Variants in CADM2 observed in about 807,000 individuals in gnomAD.
CADM2 encodes cell adhesion molecule 2, also known as immunoglobulin superfamily member 4D.
Under a neutral mutation model 49.8 loss-of-function variants are expected in CADM2, and 12 were observed. The ratio of observed to expected loss-of-function variants is 0.24; its 90% CI spans 0.15 to 0.39. CADM2 has a LOEUF of 0.39. CADM2 is among the 10% of genes least tolerant of loss of function. The pLI is 1.00. For synonymous variants in CADM2, 214 were observed against 175.4 expected, an observed-to-expected ratio of 1.22 and a Z score of -1.74; for missense variants, 378 against 492.3, an observed-to-expected ratio of 0.77 and a Z score of 2.20.
chr3:85,144,058 C>T (rs1034056840), intron 1 of CADM2, among the ~76,000 whole-genome samples: 2 of 152,066 alleles, frequency 1.3e-5, no homozygotes, highest in East Asian at 1.9e-4. Flanking sequence ...ACTGTTTGTT[C>T]CTTAGATATT....
At chr3:86,013,950 T>C (rs1731869725) in intron 8 of CADM2, 1 of 1,568,062 alleles carries the variant, frequency 6.4e-7, no homozygotes, top group Admixed American at 1.7e-5. Flanking sequence ...GTTGGCAAAA[T>C]CAGTACCTGT....
intron 1 of CADM2, among the ~76,000 whole-genome samples, chr3:85,286,851 A>T (rs2043645412): frequency 6.6e-6 from 1 of 152,120 alleles, no homozygotes; most frequent in Non-Finnish European, 1.5e-5. Flanking sequence ...AATAATCTAT[A>T]ATAAAAGAGA....
chr3:85,137,097 C>T (rs926270969), intron 1 of CADM2, among the ~76,000 whole-genome samples: 1 of 151,798 alleles, frequency 6.6e-6, no homozygotes, highest in Non-Finnish European at 1.5e-5. Context: ...CCCAGGATAT[C>T]TTTGGAATTG....
intron 1 of CADM2, among the ~76,000 whole-genome samples, chr3:85,167,969 GA>G (rs753488119): frequency 1.4e-4 from 21 of 152,138 alleles, no homozygotes; most frequent in East Asian, 9.7e-4. Context: ...CTGCATCCTA[GA>G]GCTTCGGGCC....
At chr3:85,128,906 AC>A (rs778225579) in intron 1 of CADM2, among the ~76,000 whole-genome samples, 91 of 152,330 alleles carry the variant, frequency 6.0e-4, no homozygotes, top group Non-Finnish European at 1.0e-3. Context: ...CCTTCCAAAA[AC>A]AATTGTGTAT....
intron 1 of CADM2, among the ~76,000 whole-genome samples, chr3:85,014,077 A>T (rs1009543520): frequency 1.4e-5 from 2 of 145,822 alleles, no homozygotes; most frequent in Admixed American, 1.4e-4. Context: ...ATTGTATATT[A>T]TATATACGCA....
At chr3:86,035,002 T>G (rs910315782) in intron 8 of CADM2, among the ~76,000 whole-genome samples, 1 of 152,084 alleles carries the variant, frequency 6.6e-6, no homozygotes, top group African/African-American at 2.4e-5. Context: ...GCCTCAAAGT[T>G]TATTTTCCTC....
At chr3:85,491,039 T>C (rs1465682016) in intron 1 of CADM2, among the ~76,000 whole-genome samples, 1 of 152,232 alleles carries the variant, frequency 6.6e-6, no homozygotes, top group Non-Finnish European at 1.5e-5. Flanking sequence ...ACTTAGATTA[T>C]CATTTGTCAT....
chr3:85,628,603 A>G (rs1299691694), intron 1 of CADM2, among the ~76,000 whole-genome samples: 3 of 49,244 alleles, frequency 6.1e-5, no homozygotes, highest in Non-Finnish European at 1.2e-4. Flanking sequence ...ATATATACAC[A>G]TATATACATT....
At chr3:85,004,091 C>G (rs2033606429) in intron 1 of CADM2, among the ~76,000 whole-genome samples, 1 of 152,064 alleles carries the variant, frequency 6.6e-6, no homozygotes, top group South Asian at 2.1e-4. Context: ...TGTGGTAAAA[C>G]AATATCTTAC....
At chr3:86,062,930 C>T (rs9823846) in intron 8 of CADM2, among the ~76,000 whole-genome samples, 133 of 151,664 alleles carry the variant, frequency 8.8e-4, no homozygotes, top group African/African-American at 3.0e-3. Flanking sequence ...GTATTTTTAT[C>T]GGCTGAGCCT....
intron 8 of CADM2, among the ~76,000 whole-genome samples, chr3:86,061,037 ATATT>A (rs1738578475): frequency 6.6e-6 from 1 of 151,538 alleles, no homozygotes; most frequent in South Asian, 2.1e-4. Context: ...TAATATGTTA[ATATT>A]TAAACATTTT....
chr3:85,036,454 T>G (rs2107346375), intron 1 of CADM2, among the ~76,000 whole-genome samples: 1 of 152,258 alleles, frequency 6.6e-6, no homozygotes, highest in South Asian at 2.1e-4. Context: ...TAACTTAAAC[T>G]TAAGCTCCAA....
rs73141544 is a variant in CADM2 at position 85,606,823 on chromosome 3, A to C, written c.62-119699A>C. On this transcript the variant is annotated intron_variant, in intron 1 of 9. Transcript: ENST00000383699. ...TTTTTTCTTCTGAGTATCTTTGAAA[A>C]ATACTGTCAATTTGAGCTACAAAGA... Among the ~76,000 whole-genome samples, 192 of 152,238 alleles carry C rather than the reference A, an allele frequency of 1.3e-3. 1 individual carries two copies. The highest frequency in any genetic ancestry group is 2.1e-3 in the Non-Finnish European group (146 of 67,996).
intron 1 of CADM2, among the ~76,000 whole-genome samples, chr3:85,233,483 A>T (rs931743221): frequency 3.9e-5 from 6 of 152,136 alleles, no homozygotes; most frequent in Admixed American, 2.6e-4. Flanking sequence ...GGGGAGGTGG[A>T]TTATATGAAA....
chr3:84,999,394 G>A (rs998469459), intron 1 of CADM2, among the ~76,000 whole-genome samples: 1 of 151,966 alleles, frequency 6.6e-6, no homozygotes, highest in East Asian at 1.9e-4. Context: ...AACTCATGCC[G>A]ACAGAGGTGT....
intron 1 of CADM2, among the ~76,000 whole-genome samples, chr3:85,009,824 C>G (rs974396083): frequency 1.3e-5 from 2 of 151,112 alleles, no homozygotes; most frequent in Non-Finnish European, 2.9e-5. Context: ...CAAGATTGTG[C>G]CACTGTGCTC....
intron 7 of CADM2, among the ~76,000 whole-genome samples, chr3:85,941,456 C>A (rs1211813148): frequency 2.0e-5 from 3 of 151,930 alleles, no homozygotes; most frequent in Admixed American, 1.3e-4. Flanking sequence ...AAAACTGATA[C>A]AGCAACTTCG....
At chr3:85,726,831 G>T (rs986527743) in intron 2 of CADM2, among the ~76,000 whole-genome samples, 9 of 152,012 alleles carry the variant, frequency 5.9e-5, no homozygotes, top group East Asian at 3.9e-4. Flanking sequence ...CTAACATTTT[G>T]CATGCGTACC....
Sources: gnomAD v4.1 joint callset for allele counts (sites outside exome capture counted in the v4.1 genomes callset) on GRCh38, gnomAD v4.1.1 for gene constraint, MANE v1.5 for transcripts, NCBI Gene and HGNC (gene_info 2026-07-23, HGNC 2026-07-21) for gene names.